AMPD3: variants seen among roughly 807,000 people sequenced by gnomAD.
AMPD3 encodes AMP deaminase 3.
AMPD3 carries 57 observed loss-of-function variants against 82.3 expected under a neutral mutation model. The ratio of observed to expected loss-of-function variants is 0.69; its 90% CI spans 0.56 to 0.86. The LOEUF (loss-of-function observed/expected upper bound fraction) is 0.86, where lower values mean the gene tolerates loss of function less well. Ranked by LOEUF, AMPD3 falls within the 40% of genes least tolerant of loss-of-function variation. The probability of loss-of-function intolerance (pLI) is 0.00; values close to 1 mark genes in which losing one functional copy is unlikely to be tolerated. For missense variants in AMPD3, 870 were observed against 1,003.8 expected (o/e 0.87, Z 1.80); for synonymous variants, 381 against 394.7 (o/e 0.97, Z 0.41).
At chr11:10,498,840 C>T (rs1476942553) in intron 10 of AMPD3, among the ~76,000 whole-genome samples, 1 of 152,220 alleles carries the variant, frequency 6.6e-6, no homozygotes, top group African/African-American at 2.4e-5. Flanking sequence ...CTGCCGTGGC[C>T]TGGTAGCAAG....
intron 7 of AMPD3, chr11:10,494,525 T>A (rs1849333674): frequency 1.0e-6 from 1 of 984,636 alleles, no homozygotes; most frequent in Non-Finnish European, 1.2e-6. Context: ...AAACTTTTGT[T>A]AAACAAAACA....
At chr11:10,454,066 T>C (rs1848026654), upstream of AMPD3, among the ~76,000 whole-genome samples, 1 of 152,194 alleles carries the variant, frequency 6.6e-6, no homozygotes, top group Non-Finnish European at 1.5e-5. Context: ...GGCTTTGAGC[T>C]TGGGATCAGT....
At chr11:10,473,946 T>A (rs966766288) in intron 2 of AMPD3, among the ~76,000 whole-genome samples, 2 of 152,130 alleles carry the variant, frequency 1.3e-5, no homozygotes, top group Non-Finnish European at 2.9e-5. Flanking sequence ...ACAATTCTCA[T>A]GTGGAGGGGC....
rs1424213508 is a variant in AMPD3 at position 10,455,402 on chromosome 11, C to T, written c.-52C>T. 6 of 985,254 alleles carry T rather than the reference C, an allele frequency of 6.1e-6. No individual in the cohort carries two copies. The African/African-American group carries it at 1.0e-4, about 17-fold the overall frequency. The allele number at this position is 985,254 out of a possible 1,614,324, so 61.0% of individuals were successfully genotyped here. A position where few individuals can be genotyped will look rare whatever the true frequency, so the allele number is the denominator to read the frequency against. On this transcript the variant is annotated 5_prime_UTR_variant, in exon 1 of 15. Coordinates refer to ENST00000396553, the MANE Select transcript of AMPD3 (RefSeq NM_001025389.2). ...CTTCCCCAGGAGGAGTGGCAGAGTC[C>T]AGCCAGCGCTCGGAGCTGGAGGCCC...
At chr11:10,466,191 G>A (rs1226976627) in intron 2 of AMPD3, among the ~76,000 whole-genome samples, 1 of 152,048 alleles carries the variant, frequency 6.6e-6, no homozygotes, top group Non-Finnish European at 1.5e-5. Flanking sequence ...GAACCCAGGA[G>A]AAGGAGGTTG....
intron 7 of AMPD3, among the ~76,000 whole-genome samples, chr11:10,493,864 T>C (rs1486440264): frequency 2.6e-5 from 4 of 152,206 alleles, no homozygotes; most frequent in Non-Finnish European, 4.4e-5. Flanking sequence ...ATGTGCCTTA[T>C]TAACTTAAAA....
rs775547255 is a variant in AMPD3 at position 10,493,436 on chromosome 11, A to G, written c.1027A>G (p.Arg343Gly). 3.1e-6 allele frequency: 5 copies of G among 1,614,268 alleles called. No individual in the cohort carries two copies. In the East Asian group the frequency reaches 8.9e-5, roughly 29 times the overall value. Residue 343 changes from arginine (R) to glycine (G), a missense_variant, in exon 7 of 15, where the codon AGG becomes GGG. Coordinates refer to ENST00000396553, the MANE Select transcript of AMPD3 (RefSeq NM_001025389.2). ...GCACACATACCAGACGGAGCCTGAC[A>G]GGACTGTGGCAGAGAAGCGGGGCCG... ...IKHTYQTEPD[R>G]TVAEKRGRKI...
At chr11:10,485,826 A>T (rs952392166) in intron 5 of AMPD3, among the ~76,000 whole-genome samples, 1 of 140,662 alleles carries the variant, frequency 7.1e-6, no homozygotes, top group African/African-American at 2.5e-5. Context: ...CCTGGTGGGC[A>T]GCCATCTTTC....
intron 13 of AMPD3, among the ~76,000 whole-genome samples, chr11:10,503,763 G>T (rs551226565): frequency 6.6e-6 from 1 of 152,198 alleles, no homozygotes; most frequent in South Asian, 2.1e-4. Flanking sequence ...AAGTCAGCAG[G>T]ACTCTTCTAG....
intron 4 of AMPD3, among the ~76,000 whole-genome samples, chr11:10,483,079 C>T (rs994801374): frequency 6.6e-6 from 1 of 152,124 alleles, no homozygotes; most frequent in African/African-American, 2.4e-5. Context: ...CCAGGGCTGT[C>T]GTGAGGATTA....
intron 1 of AMPD3, 108 bp downstream of exon 1, chr11:10,455,556 G>A (rs369765223): frequency 4.8e-5 from 26 of 537,526 alleles, no homozygotes; most frequent in African/African-American, 3.7e-4. Context: ...ATCAGGCTTC[G>A]CAGTCACCTG....
chr11:10,465,503 C>T (rs980853022), intron 2 of AMPD3, among the ~76,000 whole-genome samples: 5 of 152,242 alleles, frequency 3.3e-5, no homozygotes, highest in Non-Finnish European at 5.9e-5. Flanking sequence ...TCTGCATTTC[C>T]AACTGAGGTA....
intron 1 of AMPD3, 79 bp downstream of exon 1, chr11:10,455,527 G>T: frequency 1.4e-5 from 11 of 773,142 alleles, no homozygotes; most frequent in Non-Finnish European, 1.7e-5. Context: ...GGATGGGGGT[G>T]GGGGTTCTGG....
Position 10,456,459 on chromosome 11 carries a change from C to A in AMPD3, c.-6+1011C>A. The A allele has an allele frequency of 6.2e-7, 1 of 1,613,680 alleles. No homozygotes were observed. The highest frequency in any genetic ancestry group is 8.5e-7 in the Non-Finnish European group (1 of 1,179,648). ...GGCAAGAGTAGGAACCAGCTTCCTTCGTATAACGAGGGGATTTCAGTGGCA... is the reference window on the plus strand; with the variant it reads ...GGCAAGAGTAGGAACCAGCTTCCTTAGTATAACGAGGGGATTTCAGTGGCA... On this transcript the variant is annotated intron_variant, in intron 1 of 14. Transcript: ENST00000396553. The surrounding 1 kb of genome is among the most constrained non-coding windows in gnomAD (Gnocchi z 4.3).
At chr11:10,454,383 A>G (rs756239596), upstream of AMPD3, among the ~76,000 whole-genome samples, 2 of 152,204 alleles carry the variant, frequency 1.3e-5, no homozygotes, top group South Asian at 2.1e-4. Flanking sequence ...TGAAGACTCA[A>G]GGTGGAGGGT....
At chr11:10,502,956 C>A in intron 13 of AMPD3, 62 bp downstream of exon 13, 1 of 1,573,294 alleles carries the variant, frequency 6.4e-7, no homozygotes, top group Non-Finnish European at 8.7e-7. Context: ...CCTGTCCTCC[C>A]ATTTCAGGAA....
rs1428926747 is a variant in AMPD3 at position 10,482,079 on chromosome 11, A to T, written c.443A>T (p.Tyr148Phe). The T allele has an allele frequency of 6.2e-7, 1 of 1,614,200 alleles. No homozygotes were observed. The highest frequency in any genetic ancestry group is 1.7e-5 in the Admixed American group (1 of 60,028). Residue 148 changes from tyrosine to phenylalanine, a missense_variant, in exon 4 of 15, where the codon TAT becomes TTT. By Grantham distance (22) the Tyr-to-Phe change is conservative (BLOSUM62 3). Coordinates refer to ENST00000396553, the MANE Select transcript of AMPD3 (RefSeq NM_001025389.2). Reference protein sequence around the residue: ...DYCAGITLEDYEQAAKSLAKA... With the variant: ...DYCAGITLEDFEQAAKSLAKA... ...CTTCTGCAGATCACTTTGGAGGACT[A>T]TGAGCAGGCAGCCAAGAGTCTGGCC...
In AMPD3 at chr11:10,456,658, G is replaced by T. The variant is rs147774292; in HGVS notation, c.-6+1210G>T. 4 of 965,650 alleles carry T rather than the reference G, an allele frequency of 4.1e-6. No homozygotes were observed. The African/African-American group carries it at 7.0e-5, about 17-fold the overall frequency. The allele number at this position is 965,650 out of a possible 1,614,324, so 59.8% of individuals were successfully genotyped here. A position where few individuals can be genotyped will look rare whatever the true frequency, so the allele number is the denominator to read the frequency against. ...GCTGACTGATGCTGGTGAATTCACA[G>T]CTAAGCCTCCCAAGCCTGCTGGCTT... On this transcript the variant is annotated intron_variant, in intron 1 of 14. Transcript: ENST00000396553. The surrounding 1 kb of genome is among the most constrained non-coding windows in gnomAD (Gnocchi z 4.3).
intron 10 of AMPD3, 87 bp from the exon 11 acceptor site, chr11:10,499,999 C>T: frequency 1.9e-6 from 3 of 1,581,806 alleles, no homozygotes; most frequent in Non-Finnish European, 2.6e-6. Flanking sequence ...ACCCACAGGC[C>T]TCTGGCAGCT....
Sources: gnomAD v4.1 joint callset for allele counts (sites outside exome capture counted in the v4.1 genomes callset) on GRCh38, gnomAD v4.1.1 for gene constraint, Gnocchi (gnomAD v3.1) non-coding constraint, MANE v1.5 for transcripts, NCBI Gene and HGNC (gene_info 2026-07-23, HGNC 2026-07-21) for gene names.